The following NEDD4 variants were observed in gnomAD, a reference collection of about 807,000 sequenced individuals.
NEDD4 encodes NEDD4 E3 ubiquitin protein ligase, also known as E3 ubiquitin-protein ligase NEDD4.
Under a neutral mutation model 144.9 loss-of-function variants are expected in NEDD4, and 99 were observed. That is an observed-to-expected ratio of 0.68 (90% CI 0.58 to 0.81). NEDD4 has a LOEUF of 0.81. Among genes scored for constraint, NEDD4 ranks in the 30% least tolerant of loss-of-function variants. The pLI is 0.00. For synonymous variants in NEDD4, 318 were observed against 350.6 expected (o/e 0.91, Z 1.04); for missense variants, 985 against 1,065.9 (o/e 0.92, Z 1.06).
At chr15:55,909,309 T>C (rs2036197285) in intron 5 of NEDD4, among the ~76,000 whole-genome samples, 2 of 152,204 alleles carry the variant, frequency 1.3e-5, no homozygotes, top group African/African-American at 2.4e-5. Context: ...GCTTCAATCT[T>C]AGTGTGGGTA....
intron 1 of NEDD4, among the ~76,000 whole-genome samples, chr15:55,975,325 A>G (rs188333576): frequency 8.5e-5 from 13 of 152,348 alleles, no homozygotes; most frequent in African/African-American, 3.1e-4. Flanking sequence ...ATATGAACTT[A>G]TATTTGGAAA....
chr15:55,906,676 A>T (rs2142176191), intron 5 of NEDD4, among the ~76,000 whole-genome samples: 1 of 152,312 alleles, frequency 6.6e-6, no homozygotes, highest in South Asian at 2.1e-4. Context: ...TGATATACTT[A>T]ATGTAAATGA....
At chr15:55,901,568 C>T (rs2035915810) in intron 5 of NEDD4, among the ~76,000 whole-genome samples, 1 of 152,030 alleles carries the variant, frequency 6.6e-6, no homozygotes, top group Non-Finnish European at 1.5e-5. Context: ...TCCTGTATTC[C>T]TTTGAAAACA....
Position 55,848,267 on chromosome 15 carries a change from T to C in NEDD4, c.1542+105A>G, listed in dbSNP as rs1210926770. 3.8e-6 allele frequency: 4 copies of C among 1,046,100 alleles called. No individual in the cohort carries two copies. The East Asian group carries it at 9.5e-5, about 25-fold the overall frequency. The allele number at this position is 1,046,100 out of a possible 1,614,324, so 64.8% of individuals were successfully genotyped here. ...ATGGGGGAGAGGAGAGAACGGCCAA[T>C]GTGCTTTCCTCTCAATGCCTGTAGG... On this transcript the variant is annotated intron_variant, in intron 17 of 28. Coordinates refer to ENST00000435532, the MANE Select transcript of NEDD4 (RefSeq NM_006154.4).
rs150141366 is a variant in NEDD4 at position 55,886,215 on chromosome 15, G to A, written c.292-12207C>T. Among the ~76,000 whole-genome samples the A allele has an allele frequency of 9.6e-3, 1,467 of 152,232 alleles. 11 individuals are homozygous for A. The highest frequency in any genetic ancestry group is 0.024 in the Middle Eastern group (7 of 294). On this transcript the variant is annotated intron_variant, in intron 5 of 28. Coordinates refer to ENST00000435532, the MANE Select transcript of NEDD4 (RefSeq NM_006154.4). ...GATATAAAAAGAAAATATTATTAGC[G>A]ATAAAGAGAGAGACAGACCCCAATA...
At position 55,993,568 on chromosome 15, in the gene NEDD4, C is replaced by T. The variant is rs767137062; in HGVS notation, c.-13G>A. 3 of 1,591,454 alleles carry T rather than the reference C, an allele frequency of 1.9e-6. No individual in the cohort carries two copies. The highest frequency in any genetic ancestry group is 2.3e-5 in the South Asian group (2 of 88,706). On this transcript the variant is annotated 5_prime_UTR_variant, in exon 1 of 29. Coordinates refer to ENST00000435532, the MANE Select transcript of NEDD4 (RefSeq NM_006154.4). ...CGCAAGTTGCCATTTCCGAACGCTT[C>T]CAGCAAACCGGACGCGCTCGCCCCC...
At chr15:55,948,034 A>T (rs1231386232) in intron 4 of NEDD4, among the ~76,000 whole-genome samples, 1 of 152,200 alleles carries the variant, frequency 6.6e-6, no homozygotes, top group African/African-American at 2.4e-5. Context: ...AGATGACATG[A>T]TTGTATACTT....
intron 1 of NEDD4, among the ~76,000 whole-genome samples, chr15:55,976,337 A>G (rs1393139234): frequency 6.6e-6 from 1 of 152,202 alleles, no homozygotes; most frequent in Admixed American, 6.5e-5. Context: ...ACAAGAGACT[A>G]ATCACTAGAA....
chr15:55,902,793 A>G (rs1003891573), intron 5 of NEDD4, among the ~76,000 whole-genome samples: 3 of 152,198 alleles, frequency 2.0e-5, no homozygotes, highest in African/African-American at 4.8e-5. Context: ...TAATCAGAAA[A>G]AAACAAAGTA....
intron 19 of NEDD4, 113 bp from the exon 20 acceptor site, chr15:55,840,840 T>C: frequency 9.8e-7 from 1 of 1,015,794 alleles, no homozygotes; most frequent in South Asian, 1.7e-5. Context: ...ACCACATTCC[T>C]CCACTGGATT....
intron 8 of NEDD4, among the ~76,000 whole-genome samples, chr15:55,866,920 A>C (rs11071231): frequency 0.33 from 49,459 of 152,072 alleles, 8,204 homozygotes; most frequent in South Asian, 0.44. Flanking sequence ...GTATCAATGA[A>C]CCTTATTTAA....
At chr15:55,922,067 A>C (rs1035715660) in intron 5 of NEDD4, among the ~76,000 whole-genome samples, 5 of 152,238 alleles carry the variant, frequency 3.3e-5, no homozygotes, top group Admixed American at 1.3e-4. Context: ...ATGATCTAGC[A>C]ATTCAACTCT....
At chr15:55,909,383 C>G (rs1336342894) in intron 5 of NEDD4, among the ~76,000 whole-genome samples, 3 of 152,188 alleles carry the variant, frequency 2.0e-5, no homozygotes, top group Admixed American at 6.5e-5. Context: ...TGAACTGGGA[C>G]AGATCTGCTC....
intron 4 of NEDD4, among the ~76,000 whole-genome samples, chr15:55,938,758 C>T (rs1021380029): frequency 6.6e-6 from 1 of 151,812 alleles, no homozygotes; most frequent in African/African-American, 2.4e-5. Context: ...AAAAGGAACT[C>T]CCATAACCCA....
At chr15:55,916,018 T>G (rs987453271) in intron 5 of NEDD4, 1 of 1,613,872 alleles carries the variant, frequency 6.2e-7, no homozygotes, top group Non-Finnish European at 8.5e-7. Flanking sequence ...GTTGAAGGAC[T>G]CCTAGGAAAA....
intron 5 of NEDD4, among the ~76,000 whole-genome samples, chr15:55,892,318 AAAT>A (rs869040950): frequency 1.5e-5 from 2 of 133,978 alleles, no homozygotes; most frequent in Non-Finnish European, 3.2e-5. Context: ...ATAAATAAAT[AAAT>A]AATAAATATG....
At chr15:55,915,789 C>G in intron 5 of NEDD4, 1 of 1,613,616 alleles carries the variant, frequency 6.2e-7, no homozygotes, top group South Asian at 1.1e-5. Flanking sequence ...CTGTAACGAG[C>G]CCTTCCTGTG....
intron 2 of NEDD4, among the ~76,000 whole-genome samples, chr15:55,963,135 A>AC (rs2037452650): frequency 7.4e-6 from 1 of 136,036 alleles, no homozygotes; most frequent in African/African-American, 2.7e-5. Flanking sequence ...ACTCTTTTTT[A>AC]TTTTTTTTTT....
At chr15:55,870,529 CTTT>C (rs58174546) in intron 7 of NEDD4, among the ~76,000 whole-genome samples, 74,938 of 116,514 alleles carry the variant, frequency 0.64, 20,562 homozygotes, top group South Asian at 0.72. Flanking sequence ...TCTTCTTCTT[CTTT>C]TTTTTTTTTT....
Sources: allele counts gnomAD v4.1 joint callset (sites outside exome capture counted in the v4.1 genomes callset), GRCh38; gene constraint gnomAD v4.1.1; transcripts MANE v1.5; gene names NCBI Gene and HGNC (gene_info 2026-07-23, HGNC 2026-07-21).